The following COL9A3 variants were observed in gnomAD, a reference collection of about 807,000 sequenced individuals.
COL9A3 encodes collagen type IX alpha 3 chain.
In COL9A3, 82 loss-of-function variants were observed where a neutral mutation model predicts 110.2. The ratio of observed to expected loss-of-function variants is 0.74; its 90% CI spans 0.62 to 0.89. The LOEUF (loss-of-function observed/expected upper bound fraction) is 0.89, where lower values mean the gene tolerates loss of function less well. Among genes scored for constraint, COL9A3 ranks in the 40% least tolerant of loss-of-function variants. The probability of loss-of-function intolerance (pLI) is 0.00; values close to 1 mark genes in which losing one functional copy is unlikely to be tolerated. For missense variants in COL9A3, 1,066 were observed against 981.3 expected, an observed-to-expected ratio of 1.09 and a Z score of -1.15; for synonymous variants, 494 against 403.8, an observed-to-expected ratio of 1.22 and a Z score of -2.68.
At position 62,819,160 on chromosome 20, in the gene COL9A3, C is replaced by T. The variant is rs572310112; in HGVS notation, c.184-62C>T. 12 of 1,523,570 alleles carry T rather than the reference C, an allele frequency of 7.9e-6. No homozygotes were observed. In the South Asian group the frequency reaches 1.0e-4, roughly 13 times the overall value. 94.4% of individuals were successfully genotyped at this position (1,523,570 alleles called of 1,614,324 possible). On this transcript the variant is annotated intron_variant, in intron 3 of 31. Transcript: ENST00000649368. ...AAGTGGAAAGCATTTTGCTTCATTG[C>T]TGAAGGCCTGGGCTCCAGGCCAGAC...
Position 62,829,382 on chromosome 20 carries a change from G to A in COL9A3, c.1009-73G>A, listed in dbSNP as rs574917674. The stretch of plus-strand genomic sequence containing the variant: ...ACTCTGGCCCCTGCACCCTGCCTGC[G>A]TGCACGCCCCTGGGTGCTGCTGCCG... On this transcript the variant is annotated intron_variant, in intron 19 of 31. Coordinates refer to ENST00000649368, the MANE Select transcript of COL9A3 (RefSeq NM_001853.4). 6.7e-5 allele frequency: 106 copies of A among 1,593,676 alleles called. No individual in the cohort carries two copies. The East Asian group carries it at 9.0e-4, about 13-fold the overall frequency.
rs1448719326 is a variant in COL9A3, at chr20:62,840,596, A to T, written c.1919A>T (p.Glu640Val). The change falls in exon 32 of 32, where the codon GAG (glutamate) becomes GTG (valine). Residue 640 changes from glutamate (E) to valine (V), a missense_variant. Transcript: ENST00000649368. ...GACGGCCAGGACGGTGCTCCCGGCG[A>T]GCCTGGGCCTCCCGGAGATCCTGGG... ...SKDGQDGAPG[E>V]PGPPGDPGLP... 6.2e-7 allele frequency: 1 copy of T among 1,612,996 alleles called. No homozygotes were observed. Among genetic ancestry groups the T allele is most frequent in the Non-Finnish European group, 8.5e-7 (1 of 1,179,932 alleles).
At chr20:62,835,773 A>G (rs538015050) in intron 26 of COL9A3, 148 bp from the exon 27 acceptor site, 5 of 809,016 alleles carry the variant, frequency 6.2e-6, no homozygotes, top group African/African-American at 5.1e-5. Context: ...AAAAATGTAT[A>G]TAGAAGAACG....
Position 62,837,165 on chromosome 20 carries a change from T to C in COL9A3, c.1686T>C (p.Pro562=), listed in dbSNP as rs757976485. Residue 562 remains proline, a synonymous_variant, in exon 30 of 32, where the codon CCT becomes CCC. Coordinates refer to ENST00000649368, the MANE Select transcript of COL9A3 (RefSeq NM_001853.4). Reference sequence around the variant, plus strand: ...GTCGGCCCGGTCCAGCTGGCCCCCCTGGGCCCCCAGGACCCCCAGGCTCCA... The same window carrying C: ...GTCGGCCCGGTCCAGCTGGCCCCCCCGGGCCCCCAGGACCCCCAGGCTCCA... ...SIGRPGPAGP[P]GPPGPPGSIG... 1.1e-4 allele frequency: 183 copies of C among 1,612,810 alleles called. No individual in the cohort carries two copies. Among genetic ancestry groups the C allele is most frequent in the Non-Finnish European group, 1.4e-4 (167 of 1,179,842 alleles).
At chr20:62,832,133 G>C (rs761334917) in intron 24 of COL9A3, 21 bp from the exon 25 acceptor site, 4 of 1,611,628 alleles carry the variant, frequency 2.5e-6, no homozygotes, top group Admixed American at 1.7e-5. Flanking sequence ...CTCTAATCCA[G>C]AGCCTTCTCT....
chr20:62,820,270 T>C (rs1021343389), intron 5 of COL9A3, among the ~76,000 whole-genome samples: 2 of 151,878 alleles, frequency 1.3e-5, no homozygotes, highest in African/African-American at 4.8e-5. Context: ...CCTCAGAATG[T>C]CCCTGAAGCC....
chr20:62,827,864 A>G, intron 16 of COL9A3, 59 bp from the exon 17 acceptor site: 1 of 1,575,726 alleles, frequency 6.3e-7, no homozygotes, highest in Non-Finnish European at 8.7e-7. Context: ...TGGCCGGAGA[A>G]TGCGTGAGGC....
At chr20:62,818,709 G>A (rs989051646) in intron 3 of COL9A3, among the ~76,000 whole-genome samples, 156 bp downstream of exon 3, 4 of 152,232 alleles carry the variant, frequency 2.6e-5, no homozygotes, top group Non-Finnish European at 4.4e-5. Flanking sequence ...TGGAGCCAGC[G>A]GGGCGGGAGG....
At chr20:62,826,886 C>A in intron 15 of COL9A3, 66 bp downstream of exon 15, 1 of 1,549,638 alleles carries the variant, frequency 6.5e-7, no homozygotes. Context: ...CTCTGCTCCT[C>A]TCAGACGCCC....
rs141879928 is a variant in COL9A3 at position 62,821,809 on chromosome 20, C to T, written c.422C>T (p.Pro141Leu). Residue 141 changes from proline (P) to leucine (L), a missense_variant and splice_region_variant, in exon 8 of 32, where the codon CCG (proline) becomes CTG (leucine). Physicochemically the swap from Pro to Leu is moderately conservative, Grantham distance 98. Transcript: ENST00000649368. ...GGTGGGATCGGCCTCCGCGGCCCCC[C>T]GGTGAGTGGCTGTCCCAGAGCCCCT... is the stretch of plus-strand genomic sequence containing the variant. ...PPGGIGLRGP[P>L]GPSGLPGLPG... is the part of the protein sequence containing the mutation. 19 of 1,596,234 alleles carry T rather than the reference C, an allele frequency of 1.2e-5. No homozygotes were observed. The highest frequency in any genetic ancestry group is 4.5e-5 in the East Asian group (2 of 44,714).
Position 62,840,601 on chromosome 20 carries a change from G to A in COL9A3, c.1924G>A (p.Gly642Arg), listed in dbSNP as rs758789140. Reference protein sequence around the residue: ...DGQDGAPGEPGPPGDPGLPGA... With the variant: ...DGQDGAPGEPRPPGDPGLPGA... ...CCAGGACGGTGCTCCCGGCGAGCCT[G>A]GGCCTCCCGGAGATCCTGGGCTTCC... The change falls in exon 32 of 32, where the codon GGG (glycine) becomes AGG (arginine). Residue 642 changes from glycine (G) to arginine (R), a missense_variant. Gly to Arg is a moderately radical substitution (Grantham distance 125). Coordinates refer to ENST00000649368, the MANE Select transcript of COL9A3 (RefSeq NM_001853.4). 6.2e-6 allele frequency: 10 copies of A among 1,613,224 alleles called. No individual in the cohort carries two copies. Among genetic ancestry groups the A allele is most frequent in the Non-Finnish European group, 8.5e-6 (10 of 1,179,934 alleles).
chr20:62,825,355 T>C (rs2063544225), intron 12 of COL9A3: 1 of 327,530 alleles, frequency 3.1e-6, no homozygotes, highest in East Asian at 9.8e-5. Flanking sequence ...CTGGTTTGTG[T>C]CTGTGGCCGG....
At position 62,825,801 on chromosome 20, in the gene COL9A3, A is replaced by G. The variant is rs1311838205; in HGVS notation, c.631-16A>G. The G allele has an allele frequency of 1.9e-6, 3 of 1,551,996 alleles. No individual in the cohort carries two copies. Among genetic ancestry groups the G allele is most frequent in the South Asian group, 1.2e-5 (1 of 84,186 alleles). ...GCCAGACTGGGCCGCTGACCACCCTATCCCCTCTGTTTCAGGGTGACCCTG... is the reference window on the plus strand; with the variant it reads ...GCCAGACTGGGCCGCTGACCACCCTGTCCCCTCTGTTTCAGGGTGACCCTG... On this transcript the variant is annotated splice_polypyrimidine_tract_variant and intron_variant, in intron 12 of 31. Transcript: ENST00000649368.
At chr20:62,830,825 A>C (rs551483976) in intron 24 of COL9A3, among the ~76,000 whole-genome samples, 227 of 89,640 alleles carry the variant, frequency 2.5e-3, no homozygotes, top group African/African-American at 9.8e-3. Context: ...GCAGACAGGG[A>C]GAGGCCCTTG....
intron 14 of COL9A3, 35 bp from the exon 15 acceptor site, chr20:62,826,732 A>G: frequency 6.2e-7 from 1 of 1,610,900 alleles, no homozygotes; most frequent in Non-Finnish European, 8.5e-7. Flanking sequence ...CAGGCCTCAG[A>G]CAAGAGGACC....
At position 62,828,886 on chromosome 20, in the gene COL9A3, A is replaced by G. The variant is rs201019294; in HGVS notation, c.955-37A>G. The stretch of plus-strand genomic sequence containing the variant: ...GGGGAGTTCGGCCTCCCGAGGCCTC[A>G]GCCTCCCCTTCCGCACCCCAATCTC... On this transcript the variant is annotated intron_variant, in intron 18 of 31. Transcript: ENST00000649368. 358 of 1,612,354 alleles carry G rather than the reference A, an allele frequency of 2.2e-4. No individual in the cohort carries two copies. In the East Asian group the frequency reaches 4.2e-3, roughly 19 times the overall value.
intron 15 of COL9A3, 36 bp from the exon 16 acceptor site, chr20:62,827,205 G>T (rs8119320): frequency 6.2e-7 from 1 of 1,611,706 alleles, no homozygotes; most frequent in South Asian, 1.1e-5. Flanking sequence ...ACTCCATGGT[G>T]TTAACTCTGT....
rs764718355 is a variant in COL9A3 at position 62,837,213 on chromosome 20, A to AC, written c.1739dup (p.Gly581TrpfsTer20). The AC allele has an allele frequency of 1.5e-5, 24 of 1,611,428 alleles. No homozygotes were observed. The highest frequency in any genetic ancestry group is 2.2e-5 in the South Asian group (2 of 91,006). The stretch of plus-strand genomic sequence containing the variant: ...CCATTGGTCACCCTGGCGCTCGAGG[A>AC]CCCCCTGGATACCGCGGTCCCACTG... On this transcript the variant is annotated frameshift_variant, in exon 30 of 32. Coordinates refer to ENST00000649368, the MANE Select transcript of COL9A3 (RefSeq NM_001853.4). LOFTEE classifies it high-confidence loss of function.
intron 30 of COL9A3, among the ~76,000 whole-genome samples, chr20:62,838,067 A>G (rs192037624): frequency 1.3e-5 from 2 of 152,362 alleles, no homozygotes; most frequent in African/African-American, 4.8e-5. Context: ...TTAAAACATG[A>G]TTACAAAATA....
Sources: allele counts gnomAD v4.1 joint callset (sites outside exome capture counted in the v4.1 genomes callset), GRCh38; gene constraint gnomAD v4.1.1; transcripts MANE v1.5; gene names NCBI Gene and HGNC (gene_info 2026-07-23, HGNC 2026-07-21).